ADGRB3: variants seen among roughly 807,000 people sequenced by gnomAD.
The protein encoded by ADGRB3 is adhesion G protein-coupled receptor B3.
In ADGRB3, 37 loss-of-function variants were observed where a neutral mutation model predicts 193.4. The ratio of observed to expected loss-of-function variants is 0.19; its 90% CI spans 0.15 to 0.25. The LOEUF (loss-of-function observed/expected upper bound fraction) is 0.25, where lower values mean the gene tolerates loss of function less well. ADGRB3 is among the 10% of genes least tolerant of loss of function. The pLI is 1.00. For synonymous variants in ADGRB3, 690 were observed against 644.2 expected (o/e 1.07, Z -1.08); for missense variants, 1,637 against 1,852.9 (o/e 0.88, Z 2.14).
At chr6:68,913,240 C>A (rs2150238382) in intron 3 of ADGRB3, among the ~76,000 whole-genome samples, 1 of 152,318 alleles carries the variant, frequency 6.6e-6, no homozygotes, top group Admixed American at 6.5e-5. Context: ...AGACTGCCTC[C>A]TCAAGTGGGT....
chr6:68,788,089 T>A (rs1302682728), intron 3 of ADGRB3, among the ~76,000 whole-genome samples: 1 of 152,208 alleles, frequency 6.6e-6, no homozygotes, highest in Non-Finnish European at 1.5e-5. Flanking sequence ...ATTTTGTTGA[T>A]CTTTTCAAAA....
At chr6:69,373,945 T>C (rs1281056710) in intron 30 of ADGRB3, among the ~76,000 whole-genome samples, 1 of 152,090 alleles carries the variant, frequency 6.6e-6, no homozygotes, top group Non-Finnish European at 1.5e-5. Flanking sequence ...AACTGTTCTT[T>C]TTTCATCTAT....
chr6:69,348,428 C>T (rs1321836203), intron 26 of ADGRB3, among the ~76,000 whole-genome samples: 6 of 150,416 alleles, frequency 4.0e-5, no homozygotes, highest in Non-Finnish European at 7.4e-5. Context: ...GGGTGGATCA[C>T]CTGAGATCAG....
intron 16 of ADGRB3, among the ~76,000 whole-genome samples, chr6:69,074,420 C>A (rs147285468): frequency 2.9e-4 from 44 of 152,230 alleles, no homozygotes; most frequent in Non-Finnish European, 5.9e-4. Flanking sequence ...CAGATACACT[C>A]CAGTGATTGT....
In ADGRB3 at chr6:68,943,965, A is replaced by G; in HGVS notation, c.1166A>G (p.His389Arg). 6.2e-7 allele frequency: 1 copy of G among 1,613,470 alleles called. No homozygotes were observed. The highest frequency in any genetic ancestry group is 1.1e-5 in the South Asian group (1 of 91,028). ...GRPCEGPETH[H>R]KPCNIALCPV... ...CCGTGTGAAGGACCTGAAACACATC[A>G]TAAGCCTTGTAATATTGCTCTTTGC... The change falls in exon 6 of 32, where the codon CAT (histidine) becomes CGT (arginine). Residue 389 changes from histidine (H) to arginine (R), a missense_variant. By Grantham distance (29) the His-to-Arg change is conservative (BLOSUM62 0). Coordinates refer to ENST00000370598, the MANE Select transcript of ADGRB3 (RefSeq NM_001704.3).
At chr6:68,777,353 G>C (rs1014497029) in intron 3 of ADGRB3, among the ~76,000 whole-genome samples, 1 of 152,040 alleles carries the variant, frequency 6.6e-6, no homozygotes, top group Non-Finnish European at 1.5e-5. Context: ...AGAAAAAGAT[G>C]CCTGACCCAA....
At chr6:69,152,304 C>T (rs1231204697) in intron 17 of ADGRB3, among the ~76,000 whole-genome samples, 1 of 152,202 alleles carries the variant, frequency 6.6e-6, no homozygotes, top group Non-Finnish European at 1.5e-5. Context: ...AGTTTTCACA[C>T]ATCCAGAGAG....
intron 3 of ADGRB3, among the ~76,000 whole-genome samples, chr6:68,857,034 T>A (rs530803555): frequency 6.6e-6 from 1 of 152,092 alleles, no homozygotes; most frequent in African/African-American, 2.4e-5. Flanking sequence ...TTCCATGGGG[T>A]GTTGAGCCTG....
intron 15 of ADGRB3, among the ~76,000 whole-genome samples, chr6:69,057,070 C>T (rs767624038): frequency 5.3e-5 from 8 of 152,048 alleles, no homozygotes; most frequent in Non-Finnish European, 8.8e-5. Context: ...TCTCTTCCTT[C>T]ATTTTTTTCA....
At chr6:69,352,590 G>A (rs951069908) in intron 26 of ADGRB3, among the ~76,000 whole-genome samples, 14 of 152,214 alleles carry the variant, frequency 9.2e-5, no homozygotes, top group African/African-American at 3.4e-4. Flanking sequence ...GACCGGAGGT[G>A]GAGAAATAGA....
At chr6:68,953,485 TC>T (rs1374600505) in intron 6 of ADGRB3, among the ~76,000 whole-genome samples, 10 of 152,196 alleles carry the variant, frequency 6.6e-5, no homozygotes, top group Non-Finnish European at 1.2e-4. Context: ...TACTGCAAGC[TC>T]AATAAATGTT....
intron 3 of ADGRB3, among the ~76,000 whole-genome samples, chr6:68,781,178 A>G (rs1453860547): frequency 6.6e-6 from 1 of 152,154 alleles, no homozygotes; most frequent in African/African-American, 2.4e-5. Flanking sequence ...TCTTGTCTTC[A>G]GCGAAATCAT....
At chr6:69,327,984 A>G in intron 22 of ADGRB3, 95 bp downstream of exon 22, 3 of 1,002,146 alleles carry the variant, frequency 3.0e-6, no homozygotes, top group Non-Finnish European at 4.3e-6. Flanking sequence ...TTTATCATGG[A>G]ATCATTAACA....
Position 68,843,389 on chromosome 6 carries a change from A to G in ADGRB3, c.758-87170A>G, listed in dbSNP as rs183772208. Among the ~76,000 whole-genome samples, 1,099 of 152,186 alleles carry G rather than the reference A, an allele frequency of 7.2e-3. 13 individuals carry two copies. Among genetic ancestry groups the G allele is most frequent in the Admixed American group, 9.0e-3 (137 of 15,280 alleles). ...TATTTCTATATGCCAACAACAAACA[A>G]TCTGAAAAAGAAACCAAACAGTAAT... is the stretch of plus-strand genomic sequence containing the variant. On this transcript the variant is annotated intron_variant, in intron 3 of 31. Coordinates refer to ENST00000370598, the MANE Select transcript of ADGRB3 (RefSeq NM_001704.3).
At chr6:68,796,392 C>A (rs1767208554) in intron 3 of ADGRB3, among the ~76,000 whole-genome samples, 1 of 152,090 alleles carries the variant, frequency 6.6e-6, no homozygotes, top group Non-Finnish European at 1.5e-5. Context: ...ACAATTTCTC[C>A]ATTCTTTCTG....
chr6:69,255,107 C>T (rs13208003), intron 20 of ADGRB3, among the ~76,000 whole-genome samples: 67 of 151,300 alleles, frequency 4.4e-4, no homozygotes, highest in African/African-American at 1.5e-3. Context: ...CAGTCTATCA[C>T]TGTTGGACAT....
At chr6:69,364,894 A>G (rs1042393927) in intron 29 of ADGRB3, among the ~76,000 whole-genome samples, 2 of 152,102 alleles carry the variant, frequency 1.3e-5, no homozygotes, top group Non-Finnish European at 2.9e-5. Flanking sequence ...AGAGGGGACA[A>G]AAGAGATATC....
At chr6:69,325,744 G>A (rs182711762) in intron 21 of ADGRB3, among the ~76,000 whole-genome samples, 2 of 152,120 alleles carry the variant, frequency 1.3e-5, no homozygotes, top group South Asian at 2.1e-4. Context: ...GAGGAACCTG[G>A]GAAATTACAA....
intron 3 of ADGRB3, among the ~76,000 whole-genome samples, chr6:68,850,803 CA>C (rs1768382608): frequency 6.6e-6 from 1 of 151,888 alleles, no homozygotes; most frequent in Admixed American, 6.6e-5. Flanking sequence ...ACATTTTTAA[CA>C]ATATCACTTA....
Sources: gnomAD v4.1 joint callset for allele counts (sites outside exome capture counted in the v4.1 genomes callset) on GRCh38, gnomAD v4.1.1 for gene constraint, MANE v1.5 for transcripts, NCBI Gene and HGNC (gene_info 2026-07-23, HGNC 2026-07-21) for gene names.